COL9A3: variants seen among roughly 807,000 people sequenced by gnomAD.
COL9A3 encodes the protein collagen type IX alpha 3 chain.
In COL9A3, 82 loss-of-function variants were observed where a neutral mutation model predicts 110.2. The observed-to-expected ratio is 0.74, with a 90% CI of 0.62 to 0.89. The LOEUF is 0.89. Among genes scored for constraint, COL9A3 ranks in the 40% least tolerant of loss-of-function variants. COL9A3 has a pLI of 0.00. For synonymous variants in COL9A3, 494 were observed against 403.8 expected (o/e 1.22, Z -2.68); for missense variants, 1,066 against 981.3 (o/e 1.09, Z -1.15).
At position 62,837,154 on chromosome 20, in the gene COL9A3, GCTGGCCCCC is replaced by G. The variant is rs776161550; in HGVS notation, c.1680_1688del (p.Pro567_Gly569del). 1.4e-5 allele frequency: 22 copies of G among 1,613,192 alleles called. No homozygotes were observed. The highest frequency in any genetic ancestry group is 6.7e-5 in the East Asian group (3 of 44,872). On this transcript the variant is annotated inframe_deletion, in exon 30 of 32. Coordinates refer to ENST00000649368, the MANE Select transcript of COL9A3 (RefSeq NM_001853.4). Reference sequence around the variant, plus strand: ...CGGGTCCATTGGTCGGCCCGGTCCAGCTGGCCCCCCTGGGCCCCCAGGACCCCCAGGCTC... The same window carrying G: ...CGGGTCCATTGGTCGGCCCGGTCCAGCTGGGCCCCCAGGACCCCCAGGCTC...
chr20:62,835,593 G>A (rs1308918822), intron 26 of COL9A3, among the ~76,000 whole-genome samples: 1 of 152,156 alleles, frequency 6.6e-6, no homozygotes, highest in African/African-American at 2.4e-5. Context: ...GGGTTCCAGG[G>A]TTTTAGGGCA....
chr20:62,825,891 G>A (rs376835378), intron 13 of COL9A3, 21 bp downstream of exon 13: 131 of 1,556,054 alleles, frequency 8.4e-5, no homozygotes, highest in Non-Finnish European at 1.1e-4. Flanking sequence ...GAAGGGGTAA[G>A]GATGGTGGGA....
chr20:62,836,102 T>C, intron 27 of COL9A3, 85 bp from the exon 28 acceptor site: 1 of 1,604,098 alleles, frequency 6.2e-7, no homozygotes, highest in Non-Finnish European at 8.5e-7. Flanking sequence ...GCAAGACGGC[T>C]CCGTGCCGGC....
Position 62,822,591 on chromosome 20 carries a change from G to A in COL9A3, c.478G>A (p.Gly160Arg), listed in dbSNP as rs1358839108. 1.2e-6 allele frequency: 2 copies of A among 1,612,322 alleles called. No individual in the cohort carries two copies. Among genetic ancestry groups the A allele is most frequent in the African/African-American group, 1.3e-5 (1 of 74,878 alleles). The change falls in exon 10 of 32, where the codon GGA becomes AGA. Residue 160 changes from glycine (G) to arginine (R), a missense_variant and splice_region_variant. Gly to Arg is a moderately radical substitution (Grantham distance 125). Transcript: ENST00000649368. ...TGTCAGCTGTCTCTTTTTGTCTTAG[G>A]GACACCCAGGAGTCCTCCCTGAAGG... Reference protein sequence around the residue: ...PGPPGPPGPPGHPGVLPEGAT... With the variant: ...PGPPGPPGPPRHPGVLPEGAT...
intron 6 of COL9A3, 94 bp from the exon 7 acceptor site, chr20:62,821,413 C>A: frequency 6.4e-7 from 1 of 1,554,594 alleles, no homozygotes; most frequent in South Asian, 1.1e-5. Flanking sequence ...TGGAACCGCC[C>A]TTTCCCCAGG....
Position 62,819,204 on chromosome 20 carries a change from C to A in COL9A3, c.184-18C>A, listed in dbSNP as rs1200220307. 3.1e-6 allele frequency: 5 copies of A among 1,611,904 alleles called. No homozygotes were observed. On this transcript the variant is annotated intron_variant, in intron 3 of 31. Coordinates refer to ENST00000649368, the MANE Select transcript of COL9A3 (RefSeq NM_001853.4). ...GCCAGACCCCGCCTTCACATCTCTG[C>A]CCTTTCCTCCTGCACAGGGACCAAA...
chr20:62,823,681 G>A (rs2063527972), intron 10 of COL9A3, among the ~76,000 whole-genome samples: 1 of 152,376 alleles, frequency 6.6e-6, no homozygotes, highest in South Asian at 2.1e-4. Context: ...CATTGCAGCT[G>A]TAGGATCATC....
rs770110706 is a variant in COL9A3, at chr20:62,836,282, C to A, written c.1497C>A (p.Gly499=). Residue 499 remains glycine, a synonymous_variant, in exon 28 of 32, where the codon GGC becomes GGA. Transcript: ENST00000649368. ...TCCCCGGGCCCCCCGGTCCTCTGGG[C>A]CTGCAGGGCGTCCCGGGTGTTCCTG... ...QGVPGPPGPL[G]LQGVPGVPGI... 2 of 1,613,850 alleles carry A rather than the reference C, an allele frequency of 1.2e-6. No homozygotes were observed. The highest frequency in any genetic ancestry group is 3.3e-5 in the Admixed American group (2 of 60,028).
chr20:62,817,213 CG>C, intron 1 of COL9A3, 71 bp downstream of exon 1: 1 of 1,135,000 alleles, frequency 8.8e-7, no homozygotes, highest in Non-Finnish European at 1.1e-6. Flanking sequence ...CCCGCCACTC[CG>C]GGGTGCCCGG....
intron 14 of COL9A3, 24 bp from the exon 15 acceptor site, chr20:62,826,743 C>T: frequency 6.2e-7 from 1 of 1,611,952 alleles, no homozygotes; most frequent in East Asian, 2.2e-5. Context: ...CAAGAGGACC[C>T]CGGATCCCCT....
chr20:62,822,456 G>T, intron 9 of COL9A3, 135 bp from the exon 10 acceptor site: 1 of 961,460 alleles, frequency 1.0e-6, no homozygotes, highest in South Asian at 1.4e-5. Context: ...GCCACTTGGG[G>T]GACAGGATGA....
At chr20:62,834,093 C>T (rs562542912) in intron 26 of COL9A3, among the ~76,000 whole-genome samples, 2 of 152,262 alleles carry the variant, frequency 1.3e-5, no homozygotes, top group East Asian at 1.9e-4. Flanking sequence ...AGGCTGGTCT[C>T]GAATTCCCGA....
chr20:62,833,319 G>T (rs902957433), intron 26 of COL9A3, among the ~76,000 whole-genome samples: 2 of 152,240 alleles, frequency 1.3e-5, no homozygotes, highest in Non-Finnish European at 2.9e-5. Context: ...CAGACGTGTG[G>T]GCTCCCGCAC....
rs1033712452 is a variant in COL9A3 at position 62,840,841 on chromosome 20, G to T, written c.*109G>T. ...ACGTCCAGGAGAGGGAGCGCCCCTGGCTGCCCCTCGGCCGCCGACTGGACG... is the reference window on the plus strand; with the variant it reads ...ACGTCCAGGAGAGGGAGCGCCCCTGTCTGCCCCTCGGCCGCCGACTGGACG... On this transcript the variant is annotated 3_prime_UTR_variant, in exon 32 of 32. Transcript: ENST00000649368. 25 of 1,352,110 alleles carry T rather than the reference G, an allele frequency of 1.8e-5. No homozygotes were observed. The highest frequency in any genetic ancestry group is 2.9e-5 in the African/African-American group (2 of 68,712). 83.8% of individuals were successfully genotyped at this position (1,352,110 alleles called of 1,614,324 possible).
chr20:62,826,002 C>T (rs962200877), intron 13 of COL9A3, 132 bp downstream of exon 13: 8 of 1,161,806 alleles, frequency 6.9e-6, no homozygotes, highest in Admixed American at 4.3e-5. Context: ...GGCACAGGAG[C>T]GCGACCTGGC....
intron 10 of COL9A3, 47 bp from the exon 11 acceptor site, chr20:62,824,398 C>T: frequency 6.4e-7 from 1 of 1,562,090 alleles, no homozygotes; most frequent in Non-Finnish European, 8.7e-7. Flanking sequence ...GTCGGACGTC[C>T]TGCTCTGTTT....
At chr20:62,840,041 C>T (rs1033608767) in intron 31 of COL9A3, among the ~76,000 whole-genome samples, 15 of 151,330 alleles carry the variant, frequency 9.9e-5, no homozygotes, top group African/African-American at 3.6e-4. Context: ...AGCCTCCCGG[C>T]CGCACCATGC....
rs142066316 is a variant in COL9A3, at chr20:62,836,212, C to T, written c.1427C>T (p.Pro476Leu). 4 of 1,613,544 alleles carry T rather than the reference C, an allele frequency of 2.5e-6. No homozygotes were observed. Among genetic ancestry groups the T allele is most frequent in the Non-Finnish European group, 3.4e-6 (4 of 1,179,972 alleles). ...TCTGGCAGTCGAGGGGAGCTGGGCC[C>T]CAAAGGCACCCAGGGTCCCAACGGC... ...GESGSRGELG[P>L]KGTQGPNGTS... Residue 476 changes from proline (P) to leucine (L), a missense_variant, in exon 28 of 32, where the codon CCC becomes CTC. Pro to Leu is a moderately conservative substitution (Grantham distance 98). Coordinates refer to ENST00000649368, the MANE Select transcript of COL9A3 (RefSeq NM_001853.4).
rs1478103535 is a variant in COL9A3, at chr20:62,836,305, C to T, written c.1520C>T (p.Pro507Leu). The stretch of plus-strand genomic sequence containing the variant: ...GGCCTGCAGGGCGTCCCGGGTGTTC[C>T]TGGCATCACGGGGAAGCCGGGAGTT... ...PLGLQGVPGV[P>L]GITGKPGVPG... is the part of the protein sequence containing the mutation. The change falls in exon 28 of 32, where the codon CCT (proline) becomes CTT (leucine). Residue 507 changes from proline (P) to leucine (L), a missense_variant. Transcript: ENST00000649368. The T allele has an allele frequency of 6.2e-7, 1 of 1,613,858 alleles. No individual in the cohort carries two copies. The highest frequency in any genetic ancestry group is 2.2e-5 in the East Asian group (1 of 44,882).
Sources: gnomAD v4.1 joint callset for allele counts (sites outside exome capture counted in the v4.1 genomes callset) on GRCh38, gnomAD v4.1.1 for gene constraint, MANE v1.5 for transcripts, NCBI Gene and HGNC (gene_info 2026-07-23, HGNC 2026-07-21) for gene names.